Variants in NDST4 observed in about 807,000 individuals in gnomAD.
NDST4 encodes the protein N-heparan sulfate sulfotransferase 4.
Under a neutral mutation model 100.8 loss-of-function variants are expected in NDST4, and 63 were observed. The ratio of observed to expected loss-of-function variants is 0.62; its 90% CI spans 0.51 to 0.77. The LOEUF is 0.77. Among genes scored for constraint, NDST4 ranks in the 30% least tolerant of loss-of-function variants. The pLI is 0.00. For missense variants in NDST4, 943 were observed against 1,018.4 expected, an observed-to-expected ratio of 0.93 and a Z score of 1.01; for synonymous variants, 377 against 361.8, an observed-to-expected ratio of 1.04 and a Z score of -0.48.
At chr4:114,912,767 G>A (rs1725089552) in intron 6 of NDST4, among the ~76,000 whole-genome samples, 1 of 152,078 alleles carries the variant, frequency 6.6e-6, no homozygotes, top group South Asian at 2.1e-4. Context: ...TATCATGTCT[G>A]CTTCACTGTT....
intron 3 of NDST4, among the ~76,000 whole-genome samples, chr4:114,975,549 T>C (rs1226958064): frequency 6.6e-6 from 1 of 152,166 alleles, no homozygotes; most frequent in African/African-American, 2.4e-5. Flanking sequence ...GTGTACTCTA[T>C]GCATGTTCAG....
chr4:115,049,486 T>C (rs1728537090), intron 2 of NDST4, among the ~76,000 whole-genome samples: 1 of 152,084 alleles, frequency 6.6e-6, no homozygotes, highest in Non-Finnish European at 1.5e-5. Context: ...GATAATCATG[T>C]AGGGGGACCA....
intron 2 of NDST4, among the ~76,000 whole-genome samples, chr4:115,012,644 A>C (rs1232291780): frequency 2.0e-5 from 3 of 152,056 alleles, no homozygotes; most frequent in Non-Finnish European, 4.4e-5. Context: ...TTCCCCAAAA[A>C]ATGAAAAATA....
At chr4:114,890,450 T>C (rs566082596) in intron 6 of NDST4, among the ~76,000 whole-genome samples, 20 of 152,196 alleles carry the variant, frequency 1.3e-4, no homozygotes, top group African/African-American at 4.8e-4. Context: ...TTATAGGAAA[T>C]ACTCTAGGAC....
chr4:114,856,816 A>G (rs1723805924), intron 7 of NDST4, among the ~76,000 whole-genome samples: 1 of 152,238 alleles, frequency 6.6e-6, no homozygotes, highest in Non-Finnish European at 1.5e-5. Flanking sequence ...AGACAAGCAT[A>G]CAAAGTTTTA....
At chr4:115,082,630 G>T (rs1025538392) in intron 1 of NDST4, among the ~76,000 whole-genome samples, 2 of 152,116 alleles carry the variant, frequency 1.3e-5, no homozygotes, top group Non-Finnish European at 2.9e-5. Flanking sequence ...GCTACTGCTT[G>T]CTAGTAACTA....
At chr4:114,933,056 A>G (rs1236975020) in intron 6 of NDST4, among the ~76,000 whole-genome samples, 1 of 152,176 alleles carries the variant, frequency 6.6e-6, no homozygotes, top group Non-Finnish European at 1.5e-5. Flanking sequence ...ACATCATGTT[A>G]TCTATCATCA....
chr4:114,973,475 G>T (rs1224958399), intron 3 of NDST4, among the ~76,000 whole-genome samples: 1 of 151,686 alleles, frequency 6.6e-6, no homozygotes, highest in African/African-American at 2.4e-5. Context: ...CTTCTAATCT[G>T]ATCTAGATCC....
At chr4:114,912,310 C>G (rs1469752394) in intron 6 of NDST4, among the ~76,000 whole-genome samples, 1 of 152,078 alleles carries the variant, frequency 6.6e-6, no homozygotes, top group African/African-American at 2.4e-5. Flanking sequence ...GGGAAGCATC[C>G]TTGAAGATTT....
chr4:115,019,270 A>C (rs1211250888), intron 2 of NDST4, among the ~76,000 whole-genome samples: 4 of 152,110 alleles, frequency 2.6e-5, no homozygotes, highest in Non-Finnish European at 4.4e-5. Context: ...TACTATTATA[A>C]AAAACAAGTT....
chr4:114,921,694 C>T (rs1725289553), intron 6 of NDST4, among the ~76,000 whole-genome samples: 1 of 152,094 alleles, frequency 6.6e-6, no homozygotes, highest in African/African-American at 2.4e-5. Flanking sequence ...ATGACTTATT[C>T]TTCGCTATTT....
At chr4:114,970,837 T>C (rs963422846) in intron 3 of NDST4, among the ~76,000 whole-genome samples, 1 of 152,172 alleles carries the variant, frequency 6.6e-6, no homozygotes, top group African/African-American at 2.4e-5. Flanking sequence ...GGGTATTTTA[T>C]ACTCTTACAT....
intron 4 of NDST4, among the ~76,000 whole-genome samples, chr4:114,961,410 A>G (rs1175912143): frequency 2.0e-5 from 3 of 152,050 alleles, no homozygotes; most frequent in African/African-American, 7.2e-5. Flanking sequence ...TAAAATTAAA[A>G]TTTGGTTATT....
At chr4:115,073,331 T>A (rs578188412) in intron 2 of NDST4, among the ~76,000 whole-genome samples, 1 of 151,978 alleles carries the variant, frequency 6.6e-6, no homozygotes, top group South Asian at 2.1e-4. Context: ...TCAAAGGAAA[T>A]GAATTCAACT....
intron 2 of NDST4, among the ~76,000 whole-genome samples, chr4:115,073,033 C>A (rs975790463): frequency 6.6e-6 from 1 of 151,848 alleles, no homozygotes; most frequent in African/African-American, 2.4e-5. Context: ...AAACATTTCT[C>A]AAAAGAAAAC....
At position 115,099,986 on chromosome 4, in the gene NDST4, T is replaced by C. The variant is rs1190785511; in HGVS notation, c.-247+13458A>G. Among the ~76,000 whole-genome samples the C allele has an allele frequency of 3.9e-5, 6 of 152,038 alleles. No individual in the cohort carries two copies. In the East Asian group the frequency reaches 1.2e-3, roughly 29 times the overall value. On this transcript the variant is annotated intron_variant, in intron 1 of 13. Transcript: ENST00000264363. ...GTGAAATATCATTCAGCTCTAAAAA[T>C]AAATGATCTATCAAGCCACAGAAAT...
At chr4:114,918,438 T>C (rs1235843677) in intron 6 of NDST4, among the ~76,000 whole-genome samples, 1 of 150,808 alleles carries the variant, frequency 6.6e-6, no homozygotes, top group Non-Finnish European at 1.5e-5. Flanking sequence ...ATATACCTAA[T>C]GCTAGATGAC....
intron 6 of NDST4, among the ~76,000 whole-genome samples, chr4:114,874,063 TA>T (rs1208937392): frequency 6.6e-6 from 1 of 152,022 alleles, no homozygotes; most frequent in Non-Finnish European, 1.5e-5. Context: ...ATCATAACAA[TA>T]TTTTTTATTT....
chr4:115,062,530 A>T (rs1367023170), intron 2 of NDST4, among the ~76,000 whole-genome samples: 1 of 151,926 alleles, frequency 6.6e-6, no homozygotes, highest in African/African-American at 2.4e-5. Context: ...TGAATCAAAT[A>T]TCATCATTAA....
Sources: allele counts gnomAD v4.1 joint callset (sites outside exome capture counted in the v4.1 genomes callset), GRCh38; gene constraint gnomAD v4.1.1; transcripts MANE v1.5; gene names NCBI Gene and HGNC (gene_info 2026-07-23, HGNC 2026-07-21).